The following MCM5 variants were observed in gnomAD, a reference collection of about 807,000 sequenced individuals.
MCM5 encodes minichromosome maintenance complex component 5, also known as DNA replication licensing factor MCM5.
MCM5 carries 46 observed loss-of-function variants against 79.9 expected under a neutral mutation model. The ratio of observed to expected loss-of-function variants is 0.58; its 90% CI spans 0.45 to 0.74. The LOEUF is 0.74. Ranked by LOEUF, MCM5 falls within the 30% of genes least tolerant of loss-of-function variation. The pLI is 0.00. For synonymous variants in MCM5, 404 were observed against 390.5 expected (o/e 1.03, Z -0.41); for missense variants, 883 against 1,017.0 (o/e 0.87, Z 1.79).
chr22:35,421,267 G>C (rs372238662), intron 14 of MCM5, 51 bp from the exon 15 acceptor site: 3 of 1,579,010 alleles, frequency 1.9e-6, no homozygotes, highest in East Asian at 4.5e-5. Flanking sequence ...TGGCTGGGGA[G>C]GAAGGGAATA....
In MCM5 at chr22:35,424,726, G is replaced by A. The variant is rs549216106; in HGVS notation, c.*471G>A. On this transcript the variant is annotated 3_prime_UTR_variant, in exon 17 of 17. Coordinates refer to ENST00000216122, the MANE Select transcript of MCM5 (RefSeq NM_006739.4). ...GATGCTGGGAATCCAGTGAGACCAG[G>A]GAGTGGGGAAGCGCTTCTCAAAGTG... is the stretch of plus-strand genomic sequence containing the variant. The A allele has an allele frequency of 6.5e-6, 1 of 153,268 alleles. No individual in the cohort carries two copies. The highest frequency in any genetic ancestry group is 1.9e-4 in the East Asian group (1 of 5,210). 9.5% of individuals were successfully genotyped at this position (153,268 alleles called of 1,614,324 possible).
the MCM5 span, among the ~76,000 whole-genome samples, chr22:35,444,561 G>A: frequency 1.3e-5 from 2 of 152,162 alleles, no homozygotes; most frequent in African/African-American, 4.8e-5. Flanking sequence ...TGGTTGAGAT[G>A]GGGATTTGGA....
At chr22:35,423,621 T>G in intron 16 of MCM5, 2 of 273,394 alleles carry the variant, frequency 7.3e-6, no homozygotes, top group East Asian at 6.8e-5. Context: ...CCCGCAGCCC[T>G]TCCCGTCTGT....
At chr22:35,446,635 T>C in the MCM5 span, among the ~76,000 whole-genome samples, 40 of 152,076 alleles carry the variant, frequency 2.6e-4, no homozygotes, top group Non-Finnish European at 4.6e-4. Flanking sequence ...CCGGGGCGCC[T>C]GCAGGAGGGA....
the MCM5 span, among the ~76,000 whole-genome samples, chr22:35,442,636 C>G: frequency 6.6e-5 from 10 of 152,234 alleles, no homozygotes; most frequent in East Asian, 1.3e-3. Context: ...CTCCCACCCT[C>G]TGGACCTGTC....
At chr22:35,404,180 C>T (rs1932147541) in intron 4 of MCM5, among the ~76,000 whole-genome samples, 1 of 152,172 alleles carries the variant, frequency 6.6e-6, no homozygotes, top group African/African-American at 2.4e-5. Flanking sequence ...TACATAGTCT[C>T]ATTAGCACCT....
intron 8 of MCM5, 44 bp downstream of exon 8, chr22:35,412,725 T>C: frequency 1.4e-6 from 2 of 1,393,782 alleles, no homozygotes; most frequent in Non-Finnish European, 1.9e-6. Context: ...CGGCTGATGA[T>C]GGGGCTCACA....
chr22:35,403,121 T>C, intron 2 of MCM5, 86 bp from the exon 3 acceptor site: 1 of 1,526,450 alleles, frequency 6.6e-7, no homozygotes, highest in Non-Finnish European at 9.0e-7. Flanking sequence ...TGTGGGCAGA[T>C]TCAGGGGTGC....
At chr22:35,431,258 G>A in the MCM5 span, among the ~76,000 whole-genome samples, 3 of 152,274 alleles carry the variant, frequency 2.0e-5, no homozygotes, top group East Asian at 3.9e-4. Context: ...ATGCTCCAGC[G>A]GAAGTGGGTA....
At chr22:35,415,702 T>C (rs928026937) in intron 9 of MCM5, 127 bp from the exon 10 acceptor site, 6 of 1,076,480 alleles carry the variant, frequency 5.6e-6, no homozygotes, top group Non-Finnish European at 8.2e-6. Flanking sequence ...TTGAGTCCTA[T>C]TCTGTACCCT....
rs1277913801 is a variant in MCM5 at position 35,421,404 on chromosome 22, C to G, written c.1919C>G (p.Ala640Gly). ...PFATEADVEE[A>G]LRLFQVSTLD... Reference sequence around the variant, plus strand: ...GCCACAGAGGCAGATGTGGAGGAGGCCCTGCGGCTCTTCCAAGTGTCCACG... The same window carrying G: ...GCCACAGAGGCAGATGTGGAGGAGGGCCTGCGGCTCTTCCAAGTGTCCACG... The change falls in exon 15 of 17, where the codon GCC (alanine) becomes GGC (glycine). Residue 640 changes from alanine to glycine, a missense_variant. Physicochemically the swap from Ala to Gly is moderately conservative, Grantham distance 60. Around this residue, in one of 3 missense-constraint regions of MCM5, gnomAD observed 426 missense variants for 482.3 expected, o/e 0.88. Transcript: ENST00000216122. 1.9e-6 allele frequency: 3 copies of G among 1,613,998 alleles called. No homozygotes were observed. The highest frequency in any genetic ancestry group is 2.5e-6 in the Non-Finnish European group (3 of 1,180,048).
rs1569068313 is a variant in MCM5 at position 35,415,932 on chromosome 22, T to G, written c.1307T>G (p.Leu436Arg). The G allele has an allele frequency of 6.2e-7, 1 of 1,614,174 alleles. No homozygotes were observed. Among genetic ancestry groups the G allele is most frequent in the South Asian group, 1.1e-5 (1 of 91,086 alleles). ...ATCATGGAGGGCGGAGCCATGGTCC[T>G]GGCCGATGGTGGGGTCGTCTGTATT... ...NFIMEGGAMV[L>R]ADGGVVCIDE... is the part of the protein sequence containing the mutation. The change falls in exon 10 of 17, where the codon CTG (leucine) becomes CGG (arginine). Residue 436 changes from leucine to arginine, a missense_variant. By Grantham distance (102) the Leu-to-Arg change is moderately radical. Around this residue, in one of 3 missense-constraint regions of MCM5, gnomAD observed 426 missense variants for 482.3 expected, o/e 0.88. Transcript: ENST00000216122.
chr22:35,416,688 C>G lies in MCM5; in HGVS notation c.1464C>G (p.Ala488=). ...LNSRCSVLAA[A]NSVFGRWDET... ...CCCGCTGCTCCGTCCTGGCTGCTGCCAACTCAGTGTTCGGCCGCTGGGATG... is the reference window on the plus strand; with the variant it reads ...CCCGCTGCTCCGTCCTGGCTGCTGCGAACTCAGTGTTCGGCCGCTGGGATG... Residue 488 remains alanine, a synonymous_variant, in exon 12 of 17, where the codon GCC becomes GCG. Transcript: ENST00000216122. 2 of 1,614,148 alleles carry G rather than the reference C, an allele frequency of 1.2e-6. No individual in the cohort carries two copies. Among genetic ancestry groups the G allele is most frequent in the Non-Finnish European group, 1.7e-6 (2 of 1,180,024 alleles).
chr22:35,429,652 C>A (rs1569073318), downstream of MCM5, among the ~76,000 whole-genome samples: 1 of 152,136 alleles, frequency 6.6e-6, no homozygotes, highest in Non-Finnish European at 1.5e-5. Flanking sequence ...TCTCCTGCCC[C>A]AGGCTCCCGA....
the MCM5 span, among the ~76,000 whole-genome samples, chr22:35,445,503 ATTTTTGTATTT>A: frequency 0.14 from 20,691 of 144,788 alleles, 1,658 homozygotes; most frequent in East Asian, 0.15. Flanking sequence ...TAATTTTTGT[ATTTTTGTATTT>A]TTTTTTTTTT....
At chr22:35,422,022 G>T (rs1400672200) in intron 15 of MCM5, 4 of 181,924 alleles carry the variant, frequency 2.2e-5, no homozygotes, top group Non-Finnish European at 4.7e-5. Context: ...CCCAGGCACC[G>T]ATCATGAGCC....
At chr22:35,411,030 AT>A in intron 7 of MCM5, 120 bp downstream of exon 7, 1 of 851,406 alleles carries the variant, frequency 1.2e-6, no homozygotes. Context: ...TGCTCATATC[AT>A]TAGAACGTTC....
Position 35,423,238 on chromosome 22 carries a change from A to G in MCM5, c.2000A>G (p.Glu667Gly). 1.3e-6 allele frequency: 2 copies of G among 1,594,810 alleles called. No individual in the cohort carries two copies. Among genetic ancestry groups the G allele is most frequent in the Non-Finnish European group, 1.7e-6 (2 of 1,167,406 alleles). ...LSGVEGFTSQ[E>G]DQEMLSRIEK... ...GGGGTGGAGGGCTTCACCAGCCAGG[A>G]GGACCAGGAGATGCTGAGCCGCATC... Residue 667 changes from glutamate to glycine, a missense_variant, in exon 16 of 17, where the codon GAG becomes GGG. Physicochemically the swap from Glu to Gly is moderately conservative, Grantham distance 98 (BLOSUM62 -2). This residue lies in a region of MCM5 where 426 missense variants were observed against 482.3 expected (regional missense o/e 0.88). Transcript: ENST00000216122.
intron 9 of MCM5, among the ~76,000 whole-genome samples, chr22:35,414,822 C>T (rs1932494165): frequency 1.3e-5 from 2 of 152,026 alleles, no homozygotes; most frequent in Non-Finnish European, 2.9e-5. Flanking sequence ...AGCATTAGAG[C>T]AGGATGTGAT....
Sources: allele counts gnomAD v4.1 joint callset (sites outside exome capture counted in the v4.1 genomes callset), GRCh38; gene constraint gnomAD v4.1.1; regional missense constraint gnomAD v4.1.1; transcripts MANE v1.5; gene names NCBI Gene and HGNC (gene_info 2026-07-23, HGNC 2026-07-21).